The following NOTCH2NLC variants were observed in gnomAD, a reference collection of about 807,000 sequenced individuals.
NOTCH2NLC encodes the protein notch 2 N-terminal like C, also known as notch homolog 2 N-terminal-like protein C.
NOTCH2NLC carries 4 observed loss-of-function variants against 17.7 expected under a neutral mutation model. That is an observed-to-expected ratio of 0.23 (90% confidence interval 0.11 to 0.52). The LOEUF is 0.52. Among genes scored for constraint, NOTCH2NLC ranks in the 20% least tolerant of loss-of-function variants. The probability of loss-of-function intolerance (pLI) is 0.96; values close to 1 mark genes in which losing one functional copy is unlikely to be tolerated. For synonymous variants in NOTCH2NLC, 18 were observed against 86.0 expected, an observed-to-expected ratio of 0.21 and a Z score of 4.38; for missense variants, 57 against 207.2, an observed-to-expected ratio of 0.28 and a Z score of 4.45.
At position 149,413,327 on chromosome 1, in the gene NOTCH2NLC, A is replaced by G. The variant is rs1204715240; in HGVS notation, c.136-17615A>G. On this transcript the variant is annotated intron_variant, in intron 1 of 4. Transcript: ENST00000650865. Reference sequence around the variant, plus strand: ...TTTATCTTTCCACATGATGGCAGATATGCTATGGAACCCTTCAGGGATGTC... The same window carrying G: ...TTTATCTTTCCACATGATGGCAGATGTGCTATGGAACCCTTCAGGGATGTC... Among the ~76,000 whole-genome samples, 4 of 151,202 alleles carry G rather than the reference A, an allele frequency of 2.6e-5. No individual in the cohort carries two copies. The East Asian group carries it at 7.8e-4, about 30-fold the overall frequency.
chr1:149,418,916 T>TTCGC (rs1434833191), intron 1 of NOTCH2NLC, among the ~76,000 whole-genome samples: 2 of 151,014 alleles, frequency 1.3e-5, no homozygotes, highest in East Asian at 2.0e-4. Flanking sequence ...CATCTGCTCA[T>TTCGC]TCGCTCGCTC....
intron 3 of NOTCH2NLC, among the ~76,000 whole-genome samples, chr1:149,461,615 C>T (rs1479722061): frequency 5.3e-5 from 8 of 151,240 alleles, no homozygotes; most frequent in African/African-American, 1.7e-4. Flanking sequence ...AAGGAGTTCT[C>T]GCCATCCCAT....
chr1:149,413,816 CA>C lies in NOTCH2NLC; in HGVS notation c.136-17125del, dbSNP rs1248585696. Among the ~76,000 whole-genome samples, 906 of 151,204 alleles carry C rather than the reference CA, an allele frequency of 6.0e-3. 22 individuals carry two copies. The highest frequency in any genetic ancestry group is 0.021 in the African/African-American group (858 of 41,246). On this transcript the variant is annotated intron_variant, in intron 1 of 4. Transcript: ENST00000650865. ...ATATTAGTATATTGCTGATTTGGAT[CA>C]GGGGCCAGGCTGTAGATTTTCAGCA...
intron 1 of NOTCH2NLC, among the ~76,000 whole-genome samples, chr1:149,429,364 T>G (rs1345119314): frequency 9.4e-5 from 14 of 149,496 alleles, no homozygotes; most frequent in African/African-American, 3.5e-4. Flanking sequence ...CAGTGTATCT[T>G]GGTGGTTAAG....
chr1:149,441,168 G>A (rs1461742422), intron 2 of NOTCH2NLC, among the ~76,000 whole-genome samples: 1 of 121,986 alleles, frequency 8.2e-6, no homozygotes, highest in Non-Finnish European at 1.8e-5. Flanking sequence ...GAAGAGGGTT[G>A]GTTTTCATGT....
At chr1:149,445,896 C>CA (rs1559609358) in intron 2 of NOTCH2NLC, among the ~76,000 whole-genome samples, 32 of 100,530 alleles carry the variant, frequency 3.2e-4, no homozygotes, top group Middle Eastern at 6.6e-3. Flanking sequence ...GCCAAATCCT[C>CA]GTTTTAAAAA....
chr1:149,392,937 G>A (rs1447644431), intron 1 of NOTCH2NLC, among the ~76,000 whole-genome samples: 5 of 149,602 alleles, frequency 3.3e-5, no homozygotes, highest in African/African-American at 1.2e-4. Context: ...CGGGCGTAGT[G>A]GCGGGCGCCT....
chr1:149,393,014 G>T (rs1204508098), intron 1 of NOTCH2NLC, among the ~76,000 whole-genome samples: 6 of 141,080 alleles, frequency 4.3e-5, no homozygotes, highest in African/African-American at 1.6e-4. Flanking sequence ...AGCTTGCAGT[G>T]AGCCGAGATC....
intron 1 of NOTCH2NLC, among the ~76,000 whole-genome samples, chr1:149,427,489 C>T (rs2084419606): frequency 1.5e-5 from 2 of 135,622 alleles, no homozygotes; most frequent in African/African-American, 5.5e-5. Context: ...GTATCTACCA[C>T]AGCTTTTTTT....
intron 3 of NOTCH2NLC, among the ~76,000 whole-genome samples, chr1:149,462,833 ATTT>A (rs878889477): frequency 8.5e-6 from 1 of 117,088 alleles, no homozygotes; most frequent in Non-Finnish European, 1.7e-5. Flanking sequence ...CGGGAAGTTG[ATTT>A]TTTTTTTTTT....
chr1:149,457,737 C>T (rs1284296447), intron 3 of NOTCH2NLC, among the ~76,000 whole-genome samples: 1 of 128,298 alleles, frequency 7.8e-6, no homozygotes, highest in Non-Finnish European at 1.7e-5. Flanking sequence ...AGGCCAGTCT[C>T]GCTTTTTCAT....
intron 1 of NOTCH2NLC, among the ~76,000 whole-genome samples, chr1:149,427,398 A>G (rs2084419101): frequency 6.7e-6 from 1 of 148,196 alleles, no homozygotes. Context: ...TATTTCACTT[A>G]GCATAATGTT....
chr1:149,463,220 C>T (rs1430714400), intron 3 of NOTCH2NLC, among the ~76,000 whole-genome samples: 2 of 149,592 alleles, frequency 1.3e-5, no homozygotes, highest in Non-Finnish European at 3.0e-5. Flanking sequence ...CTGATAGCGT[C>T]CTGCAGGATT....
intron 2 of NOTCH2NLC, among the ~76,000 whole-genome samples, chr1:149,455,058 T>C (rs1297957623): frequency 2.5e-5 from 3 of 122,130 alleles, no homozygotes; most frequent in Non-Finnish European, 5.1e-5. Flanking sequence ...ATAAGGGTCA[T>C]GTTGACTGGC....
intron 3 of NOTCH2NLC, among the ~76,000 whole-genome samples, chr1:149,457,642 T>G (rs2084621193): frequency 6.6e-6 from 1 of 150,518 alleles, no homozygotes; most frequent in South Asian, 2.1e-4. Context: ...GAGCCAGTCT[T>G]GAGTTCCAAA....
rs1309832704 is a variant in NOTCH2NLC, at chr1:149,467,871, C to T, written c.*3718C>T. 2 of 65,084 alleles carry T rather than the reference C, an allele frequency of 3.1e-5. No homozygotes were observed. Among genetic ancestry groups the T allele is most frequent in the East Asian group, 5.0e-4 (1 of 1,988 alleles). 4.0% of individuals were successfully genotyped at this position (65,084 alleles called of 1,614,324 possible). Reference sequence around the variant, plus strand: ...TGTACTTTCTTTTTTTTCTTTCTTTCCCACATCTCTTTATTTCTCTGATTT... The same window carrying T: ...TGTACTTTCTTTTTTTTCTTTCTTTTCCACATCTCTTTATTTCTCTGATTT... On this transcript the variant is annotated 3_prime_UTR_variant, in exon 5 of 5. Coordinates refer to ENST00000650865, the MANE Select transcript of NOTCH2NLC (RefSeq NM_001364013.2).
chr1:149,414,827 C>G (rs1343328738), intron 1 of NOTCH2NLC, among the ~76,000 whole-genome samples: 1 of 147,968 alleles, frequency 6.8e-6, no homozygotes, highest in Non-Finnish European at 1.5e-5. Flanking sequence ...TGTAGCTTAT[C>G]TTTTACTCCC....
At chr1:149,399,494 AT>A (rs2101464200) in intron 1 of NOTCH2NLC, among the ~76,000 whole-genome samples, 1 of 116,404 alleles carries the variant, frequency 8.6e-6, no homozygotes, top group Non-Finnish European at 1.8e-5. Flanking sequence ...TTTTTGTTTA[AT>A]TCTCTCCTTA....
chr1:149,436,945 T>A (rs1405618610), intron 2 of NOTCH2NLC, among the ~76,000 whole-genome samples: 7 of 125,534 alleles, frequency 5.6e-5, no homozygotes, highest in Admixed American at 4.8e-4. Context: ...TTTTATTAAT[T>A]CAAGAGTTAT....
Sources: allele counts gnomAD v4.1 joint callset (sites outside exome capture counted in the v4.1 genomes callset), GRCh38; gene constraint gnomAD v4.1.1; transcripts MANE v1.5; gene names NCBI Gene and HGNC (gene_info 2026-07-23, HGNC 2026-07-21).